Variants in SHC3 observed in about 807,000 individuals in gnomAD.
SHC3 encodes the protein SHC adaptor protein 3.
SHC3 carries 15 observed loss-of-function variants against 60.4 expected under a neutral mutation model. That is an observed-to-expected ratio of 0.25 (90% CI 0.17 to 0.38). SHC3 has a LOEUF of 0.38. Ranked by LOEUF, SHC3 falls within the 10% of genes least tolerant of loss-of-function variation. SHC3 has a pLI of 1.00. For missense variants in SHC3, 677 were observed against 786.1 expected, an observed-to-expected ratio of 0.86 and a Z score of 1.66; for synonymous variants, 294 against 325.9, an observed-to-expected ratio of 0.90 and a Z score of 1.05.
In SHC3 at chr9:89,049,771, C is replaced by A. The variant is rs368914312; in HGVS notation, c.962+2266G>T. On this transcript the variant is annotated intron_variant, in intron 7 of 11. Coordinates refer to ENST00000375835, the MANE Select transcript of SHC3 (RefSeq NM_016848.6). ...TCACCGAGTTTTGGCCAATCAAATG[C>A]GGCCAACTGTTCCAACTGTGTTCAA... Among the ~76,000 whole-genome samples, 3 of 152,272 alleles carry A rather than the reference C, an allele frequency of 2.0e-5. No homozygotes were observed. The South Asian group carries it at 6.2e-4, about 32-fold the overall frequency.
intron 4 of SHC3, among the ~76,000 whole-genome samples, chr9:89,072,483 C>T (rs1299797203): frequency 6.6e-6 from 1 of 152,100 alleles, no homozygotes; most frequent in African/African-American, 2.4e-5. Context: ...GATTCCAACT[C>T]GGCGCCATCT....
At chr9:89,114,958 G>C (rs1468719323) in intron 1 of SHC3, among the ~76,000 whole-genome samples, 2 of 152,140 alleles carry the variant, frequency 1.3e-5, no homozygotes, top group Non-Finnish European at 2.9e-5. Context: ...ACATGACAGA[G>C]CTATGTAAAT....
intron 1 of SHC3, among the ~76,000 whole-genome samples, chr9:89,160,917 C>T (rs1826694978): frequency 6.6e-6 from 1 of 152,204 alleles, no homozygotes; most frequent in African/African-American, 2.4e-5. Context: ...AATAAGCCTC[C>T]ATGGAATTAT....
At chr9:89,106,225 A>C (rs1825857620) in intron 2 of SHC3, among the ~76,000 whole-genome samples, 1 of 152,216 alleles carries the variant, frequency 6.6e-6, no homozygotes, top group African/African-American at 2.4e-5. Flanking sequence ...CTCACCCTAC[A>C]TCAACAGGCT....
chr9:89,091,189 T>C (rs573254689), intron 2 of SHC3, among the ~76,000 whole-genome samples: 1 of 152,322 alleles, frequency 6.6e-6, no homozygotes, highest in South Asian at 2.1e-4. Context: ...GCATAAGAAA[T>C]TTCAAAAATT....
At chr9:89,013,685 G>C (rs187048119) in intron 11 of SHC3, 110 bp from the exon 12 acceptor site, 401 of 1,419,438 alleles carry the variant, frequency 2.8e-4, no homozygotes, top group Non-Finnish European at 3.2e-4. Context: ...AGGAAAGGAG[G>C]GGGGGACAAG....
At chr9:89,028,176 T>C (rs899075921) in intron 11 of SHC3, among the ~76,000 whole-genome samples, 4 of 152,086 alleles carry the variant, frequency 2.6e-5, no homozygotes, top group Admixed American at 6.6e-5. Context: ...CACATGTCAT[T>C]CCCTCTATCC....
At position 89,129,656 on chromosome 9, in the gene SHC3, T is replaced by C. The variant is rs182970691; in HGVS notation, c.475-17030A>G. Among the ~76,000 whole-genome samples, 15 of 152,236 alleles carry C rather than the reference T, an allele frequency of 9.9e-5. No homozygotes were observed. In the East Asian group the frequency reaches 2.9e-3, roughly 29 times the overall value. ...CCCCGAATTTCATATCCAGCCAAAC[T>C]AAGCTTCATAAGTGAAGGAGAAATA... On this transcript the variant is annotated intron_variant, in intron 1 of 11. Transcript: ENST00000375835.
intron 1 of SHC3, among the ~76,000 whole-genome samples, chr9:89,122,264 A>G (rs1376715121): frequency 6.6e-6 from 1 of 152,210 alleles, no homozygotes; most frequent in Non-Finnish European, 1.5e-5. Context: ...ATTATTTCTG[A>G]AGCAGTCAGT....
chr9:89,126,999 G>A (rs919367818), intron 1 of SHC3, among the ~76,000 whole-genome samples: 1 of 152,152 alleles, frequency 6.6e-6, no homozygotes, highest in African/African-American at 2.4e-5. Flanking sequence ...TCACATCACA[G>A]TTAGCCCTAA....
Position 89,077,874 on chromosome 9 carries a change from A to C in SHC3, c.575T>G (p.Val192Gly). 1 of 1,614,248 alleles carries C rather than the reference A, an allele frequency of 6.2e-7. No individual in the cohort carries two copies. The highest frequency in any genetic ancestry group is 8.5e-7 in the Non-Finnish European group (1 of 1,180,032). ...REAISRVCEA[V>G]PGAKGAFKKR... The stretch of plus-strand genomic sequence containing the variant: ...CTTGAAGGCTCCCTTCGCACCAGGC[A>C]CAGCTTCACAGACGCGGCTGATGGC... Residue 192 changes from valine (V) to glycine (G), a missense_variant, in exon 3 of 12, where the codon GTG (valine) becomes GGG (glycine). Coordinates refer to ENST00000375835, the MANE Select transcript of SHC3 (RefSeq NM_016848.6).
At chr9:89,039,433 T>C (rs898298976) in intron 10 of SHC3, among the ~76,000 whole-genome samples, 9 of 152,238 alleles carry the variant, frequency 5.9e-5, no homozygotes, top group Admixed American at 1.3e-4. Flanking sequence ...GCAAAAATTA[T>C]GTCTGTGGAA....
chr9:89,114,921 C>T (rs913571508), intron 1 of SHC3, among the ~76,000 whole-genome samples: 1 of 152,096 alleles, frequency 6.6e-6, no homozygotes, highest in East Asian at 1.9e-4. Context: ...CCACTGATGT[C>T]GCAGCGTGAT....
chr9:89,125,442 T>A (rs564997665), intron 1 of SHC3, among the ~76,000 whole-genome samples: 59 of 152,162 alleles, frequency 3.9e-4, no homozygotes, highest in Middle Eastern at 6.8e-3. Context: ...TTATTTTAAG[T>A]CTAAGTATCT....
intron 4 of SHC3, among the ~76,000 whole-genome samples, chr9:89,073,506 A>G (rs9410456): frequency 0.6 from 91,097 of 151,956 alleles, 29,460 homozygotes; most frequent in East Asian, 0.98. Context: ...AGTTGGGCCC[A>G]AAAGTCAGCT....
Position 89,178,546 on chromosome 9 carries a change from G to C in SHC3, c.-86C>G, listed in dbSNP as rs1826983735. 2.3e-6 allele frequency: 3 copies of C among 1,313,800 alleles called. No homozygotes were observed. The East Asian group carries it at 8.5e-5, about 37-fold the overall frequency. 81.4% of individuals were successfully genotyped at this position (1,313,800 alleles called of 1,614,324 possible). A position where few individuals can be genotyped will look rare whatever the true frequency, so the allele number is the denominator to read the frequency against. On this transcript the variant is annotated 5_prime_UTR_variant, in exon 1 of 12. Transcript: ENST00000375835. This position sits in a 1 kb window ranked among gnomAD's most constrained non-coding sequence, Gnocchi z 6.9. Reference sequence around the variant, plus strand: ...TGCCGCGCATAGCAGGCGAGCCACTGTCCCCGGAGCGGGACGGAGAGTGGG... The same window carrying C: ...TGCCGCGCATAGCAGGCGAGCCACTCTCCCCGGAGCGGGACGGAGAGTGGG...
chr9:89,056,208 A>C (rs549529813), intron 6 of SHC3, among the ~76,000 whole-genome samples: 1 of 152,354 alleles, frequency 6.6e-6, no homozygotes, highest in African/African-American at 2.4e-5. Flanking sequence ...AGTTTTCAAA[A>C]TGGAAGTAAA....
intron 1 of SHC3, among the ~76,000 whole-genome samples, chr9:89,125,574 T>A (rs4877056): frequency 0.92 from 140,600 of 152,140 alleles, 65,066 homozygotes; most frequent in East Asian, 0.98. Context: ...AGGTTAAGGC[T>A]TTCTTAGTCA....
intron 11 of SHC3, among the ~76,000 whole-genome samples, chr9:89,014,610 A>C (rs901425255): frequency 3.3e-5 from 5 of 152,018 alleles, no homozygotes; most frequent in Non-Finnish European, 5.9e-5. Flanking sequence ...CCATCCTTTC[A>C]TGGGACACCC....
Sources: allele counts gnomAD v4.1 joint callset (sites outside exome capture counted in the v4.1 genomes callset), GRCh38; gene constraint gnomAD v4.1.1; non-coding constraint Gnocchi (gnomAD v3.1); transcripts MANE v1.5; gene names NCBI Gene and HGNC (gene_info 2026-07-23, HGNC 2026-07-21).